Variants in KHDRBS3 observed in about 807,000 individuals in gnomAD.
The protein encoded by KHDRBS3 is KH domain-containing, RNA-binding, signal transduction-associated protein 3.
In KHDRBS3, 23 loss-of-function variants were observed where a neutral mutation model predicts 45.6. The ratio of observed to expected loss-of-function variants is 0.50; its 90% CI spans 0.36 to 0.72. KHDRBS3 has a LOEUF of 0.72. Among genes scored for constraint, KHDRBS3 ranks in the 30% least tolerant of loss-of-function variants. KHDRBS3 has a pLI of 0.00. For synonymous variants in KHDRBS3, 162 were observed against 156.5 expected (o/e 1.04, Z -0.26); for missense variants, 352 against 424.8 (o/e 0.83, Z 1.51).
At chr8:135,537,092 A>G (rs190382576) in intron 2 of KHDRBS3, among the ~76,000 whole-genome samples, 29 of 152,190 alleles carry the variant, frequency 1.9e-4, no homozygotes, top group Non-Finnish European at 3.1e-4. Context: ...GAGATAAAGC[A>G]GTGAACACAC....
chr8:135,578,105 T>C (rs1017659787), intron 5 of KHDRBS3, among the ~76,000 whole-genome samples: 2 of 152,216 alleles, frequency 1.3e-5, no homozygotes, highest in East Asian at 1.9e-4. Context: ...TGTTGAGTTA[T>C]AAAAGTTTTT....
chr8:135,544,138 C>A (rs1042095321), intron 3 of KHDRBS3, among the ~76,000 whole-genome samples: 4 of 152,252 alleles, frequency 2.6e-5, no homozygotes, highest in African/African-American at 7.2e-5. Context: ...AGTTCACGCT[C>A]TAATAAGGCC....
chr8:135,606,837 A>G (rs535043133), intron 6 of KHDRBS3, 118 bp from the exon 7 acceptor site: 8 of 703,928 alleles, frequency 1.1e-5, no homozygotes, highest in East Asian at 5.4e-5. Flanking sequence ...TCTTTACACT[A>G]TAAGTAGACA....
chr8:135,533,174 C>T (rs1825566540), intron 2 of KHDRBS3, among the ~76,000 whole-genome samples: 1 of 152,024 alleles, frequency 6.6e-6, no homozygotes, highest in Admixed American at 6.6e-5. Flanking sequence ...ATTATGTTAG[C>T]TAGTTTTAAT....
intron 1 of KHDRBS3, among the ~76,000 whole-genome samples, chr8:135,503,392 A>G (rs899745569): frequency 3.3e-4 from 51 of 152,258 alleles, no homozygotes; most frequent in African/African-American, 1.2e-3. Context: ...TAGCCAGGCT[A>G]CAAAAGGCCT....
intron 1 of KHDRBS3, among the ~76,000 whole-genome samples, chr8:135,462,700 A>G (rs1821492333): frequency 1.3e-5 from 2 of 152,174 alleles, no homozygotes; most frequent in Non-Finnish European, 2.9e-5. Context: ...TTTCAGTTGT[A>G]GAAACCAAGA....
chr8:135,481,223 G>GATATATATATATATAT lies in KHDRBS3; in HGVS notation c.88+23282_88+23297dup, dbSNP rs10529846. On this transcript the variant is annotated intron_variant, in intron 1 of 8. Transcript: ENST00000355849. ...TTCTTGTCTGATTCATGAAAGCCAC[G>GATATATATATATATAT]ATATATATATATATATATATATATA... is the stretch of plus-strand genomic sequence containing the variant. Among the ~76,000 whole-genome samples, 165 of 77,320 alleles carry GATATATATATATATAT rather than the reference G, an allele frequency of 2.1e-3. 2 individuals are homozygous for GATATATATATATATAT. The highest frequency in any genetic ancestry group is 6.8e-3 in the African/African-American group (139 of 20,552). 50.7% of individuals were successfully genotyped at this position (77,320 alleles called of 152,430 possible). A position where few individuals can be genotyped will look rare whatever the true frequency, so the allele number is the denominator to read the frequency against.
At chr8:135,534,496 T>G (rs1470893134) in intron 2 of KHDRBS3, among the ~76,000 whole-genome samples, 1 of 152,162 alleles carries the variant, frequency 6.6e-6, no homozygotes, top group East Asian at 1.9e-4. Flanking sequence ...CAAAGATGAG[T>G]AAGACAGGGT....
rs576540136 is a variant in KHDRBS3, at chr8:135,646,111, G to A, written c.950-882G>A. On this transcript the variant is annotated intron_variant, in intron 8 of 8. Coordinates refer to ENST00000355849, the MANE Select transcript of KHDRBS3 (RefSeq NM_006558.3). ...ATGCAAGTTAGCTTGAGGGAGTGAC[G>A]TTGATTGCATGTTTTGTATCAAAAG... Among the ~76,000 whole-genome samples, 6 of 148,754 alleles carry A rather than the reference G, an allele frequency of 4.0e-5. No homozygotes were observed. The East Asian group carries it at 8.0e-4, about 20-fold the overall frequency.
chr8:135,563,931 A>C (rs1248021676), intron 5 of KHDRBS3, among the ~76,000 whole-genome samples: 1 of 152,216 alleles, frequency 6.6e-6, no homozygotes, highest in East Asian at 1.9e-4. Context: ...AGAAACATGA[A>C]CAAAAGAGAT....
chr8:135,585,215 C>A (rs1417773962), intron 6 of KHDRBS3, among the ~76,000 whole-genome samples: 1 of 121,612 alleles, frequency 8.2e-6, no homozygotes, highest in Admixed American at 1.1e-4. Context: ...GGTGACAGAG[C>A]GAGACTCCGT....
chr8:135,625,774 C>T lies in KHDRBS3; in HGVS notation c.890+18737C>T, dbSNP rs1405278715. 19 of 765,690 alleles carry T rather than the reference C, an allele frequency of 2.5e-5. 1 individual carries two copies. Among genetic ancestry groups the T allele is most frequent in the South Asian group, 1.8e-4 (13 of 73,038 alleles). 47.4% of individuals were successfully genotyped at this position (765,690 alleles called of 1,614,324 possible). On this transcript the variant is annotated intron_variant, in intron 7 of 8. Coordinates refer to ENST00000355849, the MANE Select transcript of KHDRBS3 (RefSeq NM_006558.3). ...AGTATTTTGAAGTTCTGGATGCACC[C>T]GTGTTCTAGCTTAGCTTAGAATTTC...
intron 7 of KHDRBS3, among the ~76,000 whole-genome samples, chr8:135,641,647 G>T (rs1200685540): frequency 6.6e-6 from 1 of 152,216 alleles, no homozygotes; most frequent in African/African-American, 2.4e-5. Context: ...GACCTGAGCG[G>T]CGTCTAGACC....
rs141424804 is a variant in KHDRBS3 at position 135,523,015 on chromosome 8, A to G, written c.207+1660A>G. ...GCTTTTAGTTCACTTCTTTTAATCT[A>G]TTTATGAATCCTTATGCCAGTACCA... On this transcript the variant is annotated intron_variant, in intron 2 of 8. Coordinates refer to ENST00000355849, the MANE Select transcript of KHDRBS3 (RefSeq NM_006558.3). Among the ~76,000 whole-genome samples, 57 of 152,238 alleles carry G rather than the reference A, an allele frequency of 3.7e-4. No homozygotes were observed. The East Asian group carries it at 0.01, about 27-fold the overall frequency.
rs1318649288 is a variant in KHDRBS3, at chr8:135,462,783, G to T, written c.88+4829G>T. On this transcript the variant is annotated intron_variant, in intron 1 of 8. Transcript: ENST00000355849. ...ATGTCAGAGTGAAGGGTCAAGCTTTGTTCTTTTACAGGTCCATTGTTCTTT... is the reference window on the plus strand; with the variant it reads ...ATGTCAGAGTGAAGGGTCAAGCTTTTTTCTTTTACAGGTCCATTGTTCTTT... 2.6e-5 allele frequency among the ~76,000 whole-genome samples: 4 copies of T among 152,076 alleles called. No homozygotes were observed. The South Asian group carries it at 8.3e-4, about 32-fold the overall frequency.
chr8:135,481,051 A>G (rs1822540160), intron 1 of KHDRBS3, among the ~76,000 whole-genome samples: 1 of 152,042 alleles, frequency 6.6e-6, no homozygotes, highest in African/African-American at 2.4e-5. Flanking sequence ...AATCCAATGA[A>G]GTCATTCTTT....
At chr8:135,481,014 GT>G (rs928348972) in intron 1 of KHDRBS3, among the ~76,000 whole-genome samples, 1 of 151,912 alleles carries the variant, frequency 6.6e-6, no homozygotes, top group Non-Finnish European at 1.5e-5. Flanking sequence ...CAGGTTTGCA[GT>G]TTAAAAGGTA....
intron 5 of KHDRBS3, among the ~76,000 whole-genome samples, chr8:135,581,001 A>G (rs551261538): frequency 1.3e-5 from 2 of 152,130 alleles, no homozygotes; most frequent in South Asian, 4.2e-4. Context: ...CAGTCTTTTC[A>G]AAGTCCAGCT....
intron 1 of KHDRBS3, among the ~76,000 whole-genome samples, chr8:135,505,972 A>G (rs1020101886): frequency 2.0e-5 from 3 of 152,196 alleles, no homozygotes; most frequent in Non-Finnish European, 1.5e-5. Flanking sequence ...AGCCACTGGC[A>G]GAGGAGAAAT....
Sources: allele counts gnomAD v4.1 joint callset (sites outside exome capture counted in the v4.1 genomes callset), GRCh38; gene constraint gnomAD v4.1.1; transcripts MANE v1.5; gene names NCBI Gene and HGNC (gene_info 2026-07-23, HGNC 2026-07-21).